The following WDR7 variants were observed in gnomAD, a reference collection of about 807,000 sequenced individuals.
WDR7 encodes WD repeat domain 7.
A neutral mutation model predicts 169.4 loss-of-function variants in WDR7; 46 were observed. The observed-to-expected ratio is 0.27, with a 90% CI of 0.21 to 0.35. The LOEUF is 0.35. WDR7 is among the 10% of genes least tolerant of loss of function. The probability of loss-of-function intolerance (pLI) is 1.00; values close to 1 mark genes in which losing one functional copy is unlikely to be tolerated. For missense variants in WDR7, 1,534 were observed against 1,859.3 expected (o/e 0.83, Z 3.22); for synonymous variants, 612 against 666.8 (o/e 0.92, Z 1.27).
intron 13 of WDR7, among the ~76,000 whole-genome samples, chr18:56,725,967 A>G (rs992565366): frequency 5.9e-5 from 9 of 152,080 alleles, no homozygotes; most frequent in African/African-American, 1.7e-4. Context: ...ATAGTTGTAG[A>G]TGTGTGGTAT....
At chr18:56,815,104 A>G (rs1450904882) in intron 19 of WDR7, among the ~76,000 whole-genome samples, 1 of 152,192 alleles carries the variant, frequency 6.6e-6, no homozygotes, top group Non-Finnish European at 1.5e-5. Flanking sequence ...CCCTTGTTAG[A>G]AAAGAAGTCC....
At chr18:56,925,797 G>T (rs1252023729) in intron 22 of WDR7, among the ~76,000 whole-genome samples, 1 of 152,104 alleles carries the variant, frequency 6.6e-6, no homozygotes, top group African/African-American at 2.4e-5. Flanking sequence ...CTAAACAGCT[G>T]CTGCCTGCCC....
At chr18:56,920,796 G>A (rs1341771669) in intron 21 of WDR7, among the ~76,000 whole-genome samples, 1 of 152,118 alleles carries the variant, frequency 6.6e-6, no homozygotes, top group Non-Finnish European at 1.5e-5. Flanking sequence ...AATTATGGGA[G>A]GCAAAATTCA....
At chr18:56,700,801 C>G (rs191524520) in intron 12 of WDR7, among the ~76,000 whole-genome samples, 45 of 151,908 alleles carry the variant, frequency 3.0e-4, no homozygotes, top group African/African-American at 8.4e-4. Context: ...GATCTCCTGA[C>G]CTCGTGATCC....
intron 26 of WDR7, among the ~76,000 whole-genome samples, chr18:57,016,304 C>G (rs547025996): frequency 1.3e-5 from 2 of 152,282 alleles, no homozygotes; most frequent in South Asian, 4.2e-4. Context: ...ATACAAAATA[C>G]ATGGGTCAGT....
chr18:56,792,614 T>G (rs28542183), intron 19 of WDR7, among the ~76,000 whole-genome samples: 2,020 of 127,866 alleles, frequency 0.016, 45 homozygotes, highest in African/African-American at 0.067. Flanking sequence ...AAATCTTTGT[T>G]TTTTTTTTTT....
intron 1 of WDR7, among the ~76,000 whole-genome samples, chr18:56,668,492 T>A (rs1311244073): frequency 6.6e-6 from 1 of 152,206 alleles, no homozygotes; most frequent in Non-Finnish European, 1.5e-5. Flanking sequence ...ATTGTTTACA[T>A]GTATGTAAGC....
At chr18:56,880,419 C>T (rs1189139870) in intron 21 of WDR7, among the ~76,000 whole-genome samples, 2 of 152,100 alleles carry the variant, frequency 1.3e-5, no homozygotes, top group Admixed American at 6.6e-5. Flanking sequence ...TTGCATTGTT[C>T]GTCAAGATTT....
intron 22 of WDR7, among the ~76,000 whole-genome samples, chr18:56,926,972 G>A (rs2046817219): frequency 6.6e-6 from 1 of 152,112 alleles, no homozygotes. Context: ...CTGATTTACT[G>A]TGTACACAGT....
intron 13 of WDR7, among the ~76,000 whole-genome samples, chr18:56,729,223 T>G (rs1191073982): frequency 6.6e-6 from 1 of 152,204 alleles, no homozygotes; most frequent in Admixed American, 6.5e-5. Flanking sequence ...TGTGAAACTT[T>G]AAGATATCTG....
At chr18:56,807,809 T>G (rs2044801713) in intron 19 of WDR7, among the ~76,000 whole-genome samples, 1 of 152,234 alleles carries the variant, frequency 6.6e-6, no homozygotes, top group African/African-American at 2.4e-5. Flanking sequence ...ATTATATTTT[T>G]ATTTCTCTAA....
intron 14 of WDR7, among the ~76,000 whole-genome samples, chr18:56,747,307 T>C (rs900382877): frequency 1.3e-5 from 2 of 152,234 alleles, no homozygotes; most frequent in Non-Finnish European, 2.9e-5. Context: ...AACTTGGTTT[T>C]AGTTTTAAAA....
intron 2 of WDR7, among the ~76,000 whole-genome samples, chr18:56,672,901 GT>G (rs2025167071): frequency 6.6e-6 from 1 of 152,072 alleles, no homozygotes; most frequent in Non-Finnish European, 1.5e-5. Flanking sequence ...GTGACTTACT[GT>G]TTTGTTACAT....
chr18:56,862,963 T>G (rs1195401696), intron 20 of WDR7, among the ~76,000 whole-genome samples: 2 of 151,828 alleles, frequency 1.3e-5, no homozygotes, highest in Non-Finnish European at 3.0e-5. Context: ...TTCAATAAAA[T>G]AGTAATCATG....
At chr18:56,950,021 C>T (rs149238879) in intron 25 of WDR7, among the ~76,000 whole-genome samples, 1 of 152,248 alleles carries the variant, frequency 6.6e-6, no homozygotes, top group East Asian at 1.9e-4. Context: ...TGTTCATATT[C>T]AAGAAAGTAT....
chr18:56,672,444 CA>C, intron 1 of WDR7, 52 bp from the exon 2 acceptor site: 1 of 1,206,116 alleles, frequency 8.3e-7, no homozygotes, highest in Non-Finnish European at 1.1e-6. Context: ...AAATATATAA[CA>C]TGTTTTCGAG....
At chr18:56,976,277 CA>C (rs1315086047) in intron 26 of WDR7, among the ~76,000 whole-genome samples, 3 of 152,074 alleles carry the variant, frequency 2.0e-5, no homozygotes, top group South Asian at 4.2e-4. Flanking sequence ...TACTATAATG[CA>C]GAAGCAAAAG....
intron 22 of WDR7, among the ~76,000 whole-genome samples, chr18:56,929,941 C>T (rs1304050966): frequency 6.6e-6 from 1 of 152,188 alleles, no homozygotes; most frequent in South Asian, 2.1e-4. Flanking sequence ...AATTCTGCTG[C>T]TCTTGGAAGC....
chr18:56,792,765 AACACACAC>A (rs10551903), intron 19 of WDR7, among the ~76,000 whole-genome samples: 7 of 147,778 alleles, frequency 4.7e-5, no homozygotes, highest in East Asian at 4.0e-4. Context: ...TATTTTCTTT[AACACACAC>A]ACACACACAC....
Sources: allele counts gnomAD v4.1 joint callset (sites outside exome capture counted in the v4.1 genomes callset), GRCh38; gene constraint gnomAD v4.1.1; transcripts MANE v1.5; gene names NCBI Gene and HGNC (gene_info 2026-07-23, HGNC 2026-07-21).